Variants in SCARB1 observed in about 807,000 individuals in gnomAD.
SCARB1 encodes CD36 and LIMPII analogous 1.
SCARB1 carries 30 observed loss-of-function variants against 57.2 expected under a neutral mutation model. That is an observed-to-expected ratio of 0.52 (90% CI 0.39 to 0.71). SCARB1 has a LOEUF of 0.71. SCARB1 is among the 30% of genes least tolerant of loss of function. The probability of loss-of-function intolerance (pLI) is 0.00; values close to 1 mark genes in which losing one functional copy is unlikely to be tolerated. For missense variants in SCARB1, 543 were observed against 671.2 expected, an observed-to-expected ratio of 0.81 and a Z score of 2.11; for synonymous variants, 249 against 268.3, an observed-to-expected ratio of 0.93 and a Z score of 0.70.
chr12:124,809,440 T>G (rs1324377915), intron 6 of SCARB1, among the ~76,000 whole-genome samples: 1 of 152,084 alleles, frequency 6.6e-6, no homozygotes, highest in Non-Finnish European at 1.5e-5. Flanking sequence ...AATAAATAAA[T>G]AAGTAAAAAC....
rs758629966 is a variant in SCARB1 at position 124,800,214 on chromosome 12, G to A, written c.1038C>T (p.His346=). ...FSAPLFLSHP[H]FLNADPVLAE... ...CCAGAACCGGGTCAGCGTTGAGGAAGTGAGGATGGGAGAGAAACAAGGGGG... is the reference window on the plus strand; with the variant it reads ...CCAGAACCGGGTCAGCGTTGAGGAAATGAGGATGGGAGAGAAACAAGGGGG... Residue 346 remains histidine (H), a synonymous_variant, in exon 8 of 13, where the codon CAC becomes CAT. Coordinates refer to ENST00000261693, the MANE Select transcript of SCARB1 (RefSeq NM_005505.5). The surrounding 1 kb of genome is among the most constrained non-coding windows in gnomAD (Gnocchi z 4.8). The A allele has an allele frequency of 1.2e-6, 2 of 1,613,910 alleles. No homozygotes were observed. Among genetic ancestry groups the A allele is most frequent in the African/African-American group, 2.7e-5 (2 of 74,948 alleles).
At chr12:124,795,560 G>A (rs1949915462) in intron 8 of SCARB1, among the ~76,000 whole-genome samples, 2 of 152,182 alleles carry the variant, frequency 1.3e-5, no homozygotes, top group Admixed American at 6.5e-5. Flanking sequence ...ATAAAGCAAG[G>A]CTGTCTCAGG....
intron 1 of SCARB1, among the ~76,000 whole-genome samples, chr12:124,825,193 C>T: frequency 7.1e-6 from 1 of 140,520 alleles, no homozygotes. Flanking sequence ...CCACTGCACT[C>T]CAGCCTGGGC....
chr12:124,806,920 T>G (rs1950343756), intron 7 of SCARB1, among the ~76,000 whole-genome samples: 1 of 150,910 alleles, frequency 6.6e-6, no homozygotes, highest in Non-Finnish European at 1.5e-5. Context: ...AAAAATAGGC[T>G]GGGCGCGGTG....
intron 11 of SCARB1, 61 bp from the exon 12 acceptor site, chr12:124,782,872 C>G: frequency 6.3e-7 from 1 of 1,583,910 alleles, no homozygotes; most frequent in Non-Finnish European, 8.7e-7. Context: ...TGGTTTTACA[C>G]GGTTCTTCAA....
At chr12:124,785,918 G>T in intron 11 of SCARB1, 1 of 725,018 alleles carries the variant, frequency 1.4e-6, no homozygotes, top group Non-Finnish European at 2.2e-6. Context: ...TATCTTTTCT[G>T]CTGATTTACT....
chr12:124,810,117 A>G lies in SCARB1; in HGVS notation c.842+57T>C, dbSNP rs1258926634. 4.5e-6 allele frequency: 5 copies of G among 1,101,998 alleles called. No individual in the cohort carries two copies. Among genetic ancestry groups the G allele is most frequent in the Non-Finnish European group, 7.0e-6 (5 of 718,552 alleles). 68.3% of individuals were successfully genotyped at this position (1,101,998 alleles called of 1,614,324 possible). ...TTTCCAAGTGCACAGCCAACACCAC[A>G]GAATTTGGCCATGAGCTACCCAGGA... On this transcript the variant is annotated intron_variant, in intron 6 of 12. Transcript: ENST00000261693. The surrounding 1 kb of genome is among the most constrained non-coding windows in gnomAD (Gnocchi z 4.0).
rs117640013 is a variant in SCARB1, at chr12:124,825,822, C to T, written c.127-8115G>A. 4.2e-3 allele frequency among the ~76,000 whole-genome samples: 639 copies of T among 152,222 alleles called. 3 individuals are homozygous for T. The highest frequency in any genetic ancestry group is 5.6e-3 in the Non-Finnish European group (383 of 68,012). ...GACAAATACTGCAGGACAAATACTT[C>T]CAGATTTGTCTTTTAGAGGTGAGGA... On this transcript the variant is annotated intron_variant, in intron 1 of 12. Transcript: ENST00000261693.
At chr12:124,843,244 T>C (rs894134852) in intron 1 of SCARB1, among the ~76,000 whole-genome samples, 1 of 150,050 alleles carries the variant, frequency 6.7e-6, no homozygotes, top group Admixed American at 6.6e-5. Flanking sequence ...GCTGCTCTCC[T>C]TGGCCTCCAG....
At position 124,863,578 on chromosome 12, in the gene SCARB1, G is replaced by A. The variant is rs201161190; in HGVS notation, c.126+17C>T. On this transcript the variant is annotated intron_variant, in intron 1 of 12. Transcript: ENST00000261693. ...CCCGGGTCCGTGCGCGGACCCCCTG[G>A]GGTCTCCCTCACCCACCTTAAGGAC... The A allele has an allele frequency of 6.2e-7, 1 of 1,600,444 alleles. No homozygotes were observed. The highest frequency in any genetic ancestry group is 8.5e-7 in the Non-Finnish European group (1 of 1,173,686).
intron 1 of SCARB1, among the ~76,000 whole-genome samples, chr12:124,855,365 T>C (rs898910345): frequency 2.6e-5 from 4 of 152,090 alleles, no homozygotes; most frequent in Admixed American, 6.6e-5. Flanking sequence ...AGGCGGAGTG[T>C]CTCCATATCT....
intron 1 of SCARB1, among the ~76,000 whole-genome samples, chr12:124,837,194 G>A (rs1951682063): frequency 6.6e-6 from 1 of 152,166 alleles, no homozygotes; most frequent in South Asian, 2.1e-4. Flanking sequence ...TACCAGGGCT[G>A]ATCCCAGCCC....
intron 1 of SCARB1, among the ~76,000 whole-genome samples, chr12:124,844,459 C>T (rs992284137): frequency 3.9e-5 from 6 of 152,176 alleles, no homozygotes; most frequent in Non-Finnish European, 5.9e-5. Context: ...ATGAGCTGAA[C>T]AGTGTCCCCC....
In SCARB1 at chr12:124,810,158, G is replaced by A. The variant is rs757068361; in HGVS notation, c.842+16C>T. 5.4e-5 allele frequency: 84 copies of A among 1,569,630 alleles called. No individual in the cohort carries two copies. The highest frequency in any genetic ancestry group is 1.7e-4 in the Middle Eastern group (1 of 5,718). On this transcript the variant is annotated intron_variant, in intron 6 of 12. Transcript: ENST00000261693. This position sits in a 1 kb window ranked among gnomAD's most constrained non-coding sequence, Gnocchi z 4.0. ...CTACCCAGGAAACCCAGGAGGCCCC[G>A]AGTCCCAGTGATTACCGGCAGGCCT...
chr12:124,794,397 A>ATTTTTTTTT (rs1242276585), intron 9 of SCARB1, among the ~76,000 whole-genome samples: 1 of 113,952 alleles, frequency 8.8e-6, no homozygotes, highest in African/African-American at 3.7e-5. Flanking sequence ...TGCTTGAAAA[A>ATTTTTTTTT]TTCTTTTTTT....
rs1951939130 is a variant in SCARB1, at chr12:124,842,300, G to A, written c.126+21295C>T. ...GCCTCTAAGGCTCCAATGGCCTCAC[G>A]CACTGGAGTTCATCAATAACACAAG... is the stretch of plus-strand genomic sequence containing the variant. On this transcript the variant is annotated intron_variant, in intron 1 of 12. Transcript: ENST00000261693. Among the ~76,000 whole-genome samples, 6 of 152,302 alleles carry A rather than the reference G, an allele frequency of 3.9e-5. No individual in the cohort carries two copies. The South Asian group carries it at 1.2e-3, about 32-fold the overall frequency.
At chr12:124,818,543 T>A (rs983371507) in intron 1 of SCARB1, among the ~76,000 whole-genome samples, 2 of 152,220 alleles carry the variant, frequency 1.3e-5, no homozygotes, top group Non-Finnish European at 2.9e-5. Context: ...CTTGGCTAAC[T>A]GCAACCTCTG....
At chr12:124,844,647 G>A (rs1025030229) in intron 1 of SCARB1, among the ~76,000 whole-genome samples, 1 of 152,084 alleles carries the variant, frequency 6.6e-6, no homozygotes, top group Non-Finnish European at 1.5e-5. Flanking sequence ...AGTCACCGGG[G>A]ATGTGCGCAC....
chr12:124,833,840 G>C (rs1566223943), intron 1 of SCARB1, among the ~76,000 whole-genome samples: 1 of 152,234 alleles, frequency 6.6e-6, no homozygotes, highest in Non-Finnish European at 1.5e-5. Flanking sequence ...TTTGAACCCT[G>C]CTGTGTTTTG....
Sources: gnomAD v4.1 joint callset for allele counts (sites outside exome capture counted in the v4.1 genomes callset) on GRCh38, gnomAD v4.1.1 for gene constraint, Gnocchi (gnomAD v3.1) non-coding constraint, MANE v1.5 for transcripts, NCBI Gene and HGNC (gene_info 2026-07-23, HGNC 2026-07-21) for gene names.